The following GAREM2 variants were observed in gnomAD, a reference collection of about 807,000 sequenced individuals.
The protein encoded by GAREM2 is GRB2-associated and regulator of MAPK protein 2.
A neutral mutation model predicts 55.6 loss-of-function variants in GAREM2; 30 were observed. That is an observed-to-expected ratio of 0.54 (90% CI 0.40 to 0.73). The LOEUF (loss-of-function observed/expected upper bound fraction) is 0.73. Ranked by LOEUF, GAREM2 falls within the 30% of genes least tolerant of loss-of-function variation. The pLI is 0.00. For missense variants in GAREM2, 1,075 were observed against 1,257.7 expected (o/e 0.85, Z 2.20); for synonymous variants, 550 against 569.1 (o/e 0.97, Z 0.48).
downstream of GAREM2, chr2:26,191,224 C>A (rs375322919): frequency 1.7e-5 from 28 of 1,610,290 alleles, no homozygotes; most frequent in African/African-American, 3.3e-4. Flanking sequence ...GGTTAGTGCA[C>A]TGACTGAGCG....
At chr2:26,193,700 C>T, downstream of GAREM2, 1 of 1,613,998 alleles carries the variant, frequency 6.2e-7, no homozygotes, top group Non-Finnish European at 8.5e-7. Context: ...ACTTCATCCA[C>T]CAGTGTGGCG....
chr2:26,176,434 A>G lies in GAREM2; in HGVS notation c.203A>G (p.Glu68Gly), dbSNP rs1668868756. ...ACGGTGACAGCTCATACCCTGGAGG[A>G]GGGCCACTATGTCATCGGGCCCAAG... is the stretch of plus-strand genomic sequence containing the variant. ...WTTVTAHTLE[E>G]GHYVIGPKID... Residue 68 changes from glutamate to glycine, a missense_variant, in exon 2 of 6, where the codon GAG becomes GGG. Physicochemically the swap from Glu to Gly is moderately conservative, Grantham distance 98 (BLOSUM62 -2). Transcript: ENST00000401533. The G allele has an allele frequency of 6.5e-7, 1 of 1,550,348 alleles. No homozygotes were observed. The highest frequency in any genetic ancestry group is 8.7e-7 in the Non-Finnish European group (1 of 1,146,270).
the GAREM2 span, among the ~76,000 whole-genome samples, chr2:26,201,951 C>G: frequency 7.2e-6 from 1 of 139,210 alleles, no homozygotes; most frequent in Non-Finnish European, 1.6e-5. Flanking sequence ...CCCACCACCA[C>G]GCCTGGCTAA....
Position 26,186,924 on chromosome 2 carries a change from A to G in GAREM2, c.1599-307A>G, listed in dbSNP as rs181043114. ...CGGGAGGTGGAGGTTGCAGTGAGCC[A>G]AGATTGCACCACTGCACTCCAGCCT... On this transcript the variant is annotated intron_variant, in intron 5 of 5. Transcript: ENST00000401533. 3.4e-3 allele frequency among the ~76,000 whole-genome samples: 515 copies of G among 152,332 alleles called. 3 individuals are homozygous for G. Among genetic ancestry groups the G allele is most frequent in the African/African-American group, 0.012 (483 of 41,576 alleles).
At chr2:26,201,253 T>C in the GAREM2 span, 11 of 1,611,508 alleles carry the variant, frequency 6.8e-6, no homozygotes, top group Non-Finnish European at 8.5e-6. Context: ...AGCTGCCCAG[T>C]CAAGTTGCTG....
the GAREM2 span, among the ~76,000 whole-genome samples, chr2:26,202,108 A>C: frequency 6.6e-6 from 1 of 152,022 alleles, no homozygotes; most frequent in Non-Finnish European, 1.5e-5. Context: ...CTGTGGTTGT[A>C]ATCTTCTAAA....
chr2:26,183,068 G>A lies in GAREM2; in HGVS notation c.355G>A (p.Val119Met), dbSNP rs1222263905. Residue 119 changes from valine to methionine, a missense_variant, in exon 3 of 6, where the codon GTG becomes ATG. Around this residue, in one of 6 missense-constraint regions of GAREM2, gnomAD observed 230 missense variants for 310.6 expected, o/e 0.74. Coordinates refer to ENST00000401533, the MANE Select transcript of GAREM2 (RefSeq NM_001168241.2). The part of the protein sequence containing the change: ...VASVFPDRIF[V>M]MEAITFSVKV... ...CAGTGTCTTCCCTGACCGCATCTTC[G>A]TGATGGAAGCCATCACCTTCAGCGT... The A allele has an allele frequency of 3.9e-6, 6 of 1,551,552 alleles. No homozygotes were observed. Among genetic ancestry groups the A allele is most frequent in the Non-Finnish European group, 5.2e-6 (6 of 1,146,984 alleles).
intron 2 of GAREM2, chr2:26,182,631 GT>G: frequency 1.1e-6 from 1 of 869,778 alleles, no homozygotes; most frequent in South Asian, 1.6e-5. Context: ...CACACTGATA[GT>G]TGATCAGAGG....
chr2:26,204,265 C>T, the GAREM2 span: 1 of 1,434,248 alleles, frequency 7.0e-7, no homozygotes, highest in African/African-American at 1.4e-5. Flanking sequence ...TGGAAGATTG[C>T]CTAAGTTATT....
chr2:26,189,993 G>A (rs1429181647), downstream of GAREM2, among the ~76,000 whole-genome samples: 1 of 152,268 alleles, frequency 6.6e-6, no homozygotes, highest in Non-Finnish European at 1.5e-5. Context: ...TTGGCAGAAT[G>A]CCGGCTTCAG....
chr2:26,188,636 T>C lies in GAREM2; in HGVS notation c.*379T>C, dbSNP rs1158964306. 5.3e-6 allele frequency: 1 copy of C among 187,104 alleles called. No individual in the cohort carries two copies. The allele number at this position is 187,104 out of a possible 1,614,324, so 11.6% of individuals were successfully genotyped here. On this transcript the variant is annotated 3_prime_UTR_variant, in exon 6 of 6. Coordinates refer to ENST00000401533, the MANE Select transcript of GAREM2 (RefSeq NM_001168241.2). Reference sequence around the variant, plus strand: ...TTCCACTGCTGAAGCCTGTAGGCTCTGTTTAGAGACAAGAAGATGGCTGGT... The same window carrying C: ...TTCCACTGCTGAAGCCTGTAGGCTCCGTTTAGAGACAAGAAGATGGCTGGT...
At chr2:26,180,414 C>T (rs942843918) in intron 2 of GAREM2, among the ~76,000 whole-genome samples, 9 of 152,232 alleles carry the variant, frequency 5.9e-5, no homozygotes, top group Non-Finnish European at 1.3e-4. Context: ...CCTGAGCCAT[C>T]TCACTTGCCT....
chr2:26,184,935 G>T lies in GAREM2; in HGVS notation c.1087G>T (p.Glu363Ter). The change falls in exon 4 of 6, where the codon GAG becomes TAG. Residue 363 changes from glutamate to a stop codon, truncating the protein, a stop_gained. Coordinates refer to ENST00000401533, the MANE Select transcript of GAREM2 (RefSeq NM_001168241.2). LOFTEE classifies it high-confidence loss of function. ...DPDEYSTAVREAPAELAEDCA... is the reference protein window; with the variant it reads ...DPDEYSTAVR ...CGACGAGTACTCCACGGCCGTGCGC[G>T]AGGCGCCAGCGGAGCTCGCCGAAGA... The T allele has an allele frequency of 7.6e-7, 1 of 1,316,896 alleles. No homozygotes were observed. The highest frequency in any genetic ancestry group is 9.6e-7 in the Non-Finnish European group (1 of 1,036,416). 81.6% of individuals were successfully genotyped at this position (1,316,896 alleles called of 1,614,324 possible).
chr2:26,201,483 A>T, the GAREM2 span, among the ~76,000 whole-genome samples: 1 of 152,194 alleles, frequency 6.6e-6, no homozygotes, highest in Non-Finnish European at 1.5e-5. Context: ...TCTTAGAGGG[A>T]CCTGTGGTCA....
chr2:26,175,870 C>G (rs568303114), intron 1 of GAREM2, among the ~76,000 whole-genome samples: 51 of 152,210 alleles, frequency 3.4e-4, no homozygotes, highest in Non-Finnish European at 5.9e-4. Context: ...TCCAGCATCT[C>G]CTGCTCAATA....
chr2:26,198,211 C>T, the GAREM2 span, among the ~76,000 whole-genome samples: 3 of 152,242 alleles, frequency 2.0e-5, no homozygotes, highest in African/African-American at 7.2e-5. Flanking sequence ...AATGTGCATG[C>T]TTGTCTCATT....
In GAREM2 at chr2:26,185,005, GCGCCCCCGGGCT is replaced by G; in HGVS notation, c.1163_1174del (p.Pro388_Ala391del). 9.1e-7 allele frequency: 1 copy of G among 1,101,744 alleles called. No individual in the cohort carries two copies. The highest frequency in any genetic ancestry group is 1.1e-6 in the Non-Finnish European group (1 of 906,050). 68.2% of individuals were successfully genotyped at this position (1,101,744 alleles called of 1,614,324 possible). On this transcript the variant is annotated inframe_deletion, in exon 4 of 6. Transcript: ENST00000401533. ...GCGCGCCTCTGCCTGCCCGCGCCGC[GCGCCCCCGGGCT>G]CGCCCGCGCCCCCGGCCCGCTAGCG... is the stretch of plus-strand genomic sequence containing the variant.
chr2:26,177,579 A>G (rs1386553021), intron 2 of GAREM2, among the ~76,000 whole-genome samples: 2 of 152,058 alleles, frequency 1.3e-5, no homozygotes, highest in Admixed American at 1.3e-4. Flanking sequence ...CCTGGTCTCA[A>G]TGAAGCCTCC....
chr2:26,195,480 C>A, the GAREM2 span, among the ~76,000 whole-genome samples: 1 of 151,270 alleles, frequency 6.6e-6, no homozygotes, highest in East Asian at 1.9e-4. Context: ...ATCCTCCCAA[C>A]AATCAGTGCC....
Sources: allele counts gnomAD v4.1 joint callset (sites outside exome capture counted in the v4.1 genomes callset), GRCh38; gene constraint gnomAD v4.1.1; regional missense constraint gnomAD v4.1.1; transcripts MANE v1.5; gene names NCBI Gene and HGNC (gene_info 2026-07-23, HGNC 2026-07-21).